ZNF808: variants seen among roughly 807,000 people sequenced by gnomAD.
ZNF808 encodes zinc finger protein 808.
In ZNF808, 5 loss-of-function variants were observed where a neutral mutation model predicts 8.7. The observed-to-expected ratio is 0.58, with a 90% confidence interval of 0.30 to 1.21. The LOEUF is 1.21. ZNF808 is among the 50% of genes most tolerant of loss of function. The probability of loss-of-function intolerance (pLI) is 0.07; values close to 1 mark genes in which losing one functional copy is unlikely to be tolerated. For missense variants in ZNF808, 1,103 were observed against 1,098.4 expected, an observed-to-expected ratio of 1.00 and a Z score of -0.06; for synonymous variants, 380 against 366.0, an observed-to-expected ratio of 1.04 and a Z score of -0.44.
intron 1 of ZNF808, among the ~76,000 whole-genome samples, chr19:52,530,241 G>T (rs2059549165): frequency 1.3e-5 from 2 of 152,034 alleles, no homozygotes; most frequent in African/African-American, 2.4e-5. Flanking sequence ...TGTGTTTTTA[G>T]TAGAGACGAG....
At chr19:52,567,498 ATTATTATTATTATTATTAT>A (rs2059875897), downstream of ZNF808, among the ~76,000 whole-genome samples, 1 of 113,318 alleles carries the variant, frequency 8.8e-6, no homozygotes, top group Admixed American at 8.6e-5. Flanking sequence ...TATTATTATT[ATTATTATTATTATTATTAT>A]TATTATTATT....
rs750872575 is a variant in ZNF808 at position 52,554,116 on chromosome 19, G to A, written c.1200G>A (p.Lys400=). ...TRIHSGEKTY[K]CNECGKAFNH... ...TTCATAGTGGAGAGAAAACATACAA[G>A]TGTAATGAGTGTGGTAAGGCTTTTA... The change falls in exon 5 of 5, where the codon AAG becomes AAA. Residue 400 remains lysine (K), a synonymous_variant. Coordinates refer to ENST00000359798, the MANE Select transcript of ZNF808 (RefSeq NM_001039886.4). 6.2e-7 allele frequency: 1 copy of A among 1,614,082 alleles called. No individual in the cohort carries two copies. Among genetic ancestry groups the A allele is most frequent in the Non-Finnish European group, 8.5e-7 (1 of 1,180,018 alleles).
intron 4 of ZNF808, among the ~76,000 whole-genome samples, chr19:52,548,937 G>T (rs1279733422): frequency 6.6e-6 from 1 of 151,940 alleles, no homozygotes; most frequent in Non-Finnish European, 1.5e-5. Context: ...GGCCAACTTG[G>T]TGAAACCACA....
In ZNF808 at chr19:52,554,584, A is replaced by G; in HGVS notation, c.1668A>G (p.Val556=). The change falls in exon 5 of 5, where the codon GTA becomes GTG. Residue 556 remains valine (V), a synonymous_variant. Transcript: ENST00000359798. ...KVFMRNSVLA[V]HTRIHTAKKP... is the part of the protein sequence containing the mutation. ...TCATGCGTAATTCAGTCCTGGCTGT[A>G]CATACTAGAATTCACACTGCAAAGA... 6.2e-7 allele frequency: 1 copy of G among 1,613,676 alleles called. No individual in the cohort carries two copies. The highest frequency in any genetic ancestry group is 8.5e-7 in the Non-Finnish European group (1 of 1,179,780).
At chr19:52,566,162 GTTTGT>G (rs745597382), downstream of ZNF808, among the ~76,000 whole-genome samples, 1 of 151,694 alleles carries the variant, frequency 6.6e-6, no homozygotes, top group Admixed American at 6.6e-5. Context: ...TATATATATA[GTTTGT>G]TTTGTTTTGT....
rs1334776561 is a variant in ZNF808, at chr19:52,553,473, A to G, written c.557A>G (p.Asp186Gly). The change falls in exon 5 of 5, where the codon GAT (aspartate) becomes GGT (glycine). Residue 186 changes from aspartate (D) to glycine (G), a missense_variant. Asp to Gly is a moderately conservative substitution (Grantham distance 94). Coordinates refer to ENST00000359798, the MANE Select transcript of ZNF808 (RefSeq NM_001039886.4). Reference sequence around the variant, plus strand: ...AATCAACTTGAGAAGTCTACCAGTGATGCTTCCTCAGTTTCAACATCCCAA... The same window carrying G: ...AATCAACTTGAGAAGTCTACCAGTGGTGCTTCCTCAGTTTCAACATCCCAA... ...IANQLEKSTS[D>G]ASSVSTSQRI... 6.2e-7 allele frequency: 1 copy of G among 1,614,206 alleles called. No individual in the cohort carries two copies. The highest frequency in any genetic ancestry group is 1.7e-5 in the Admixed American group (1 of 60,030).
At chr19:52,547,981 C>T (rs529098875) in intron 4 of ZNF808, among the ~76,000 whole-genome samples, 3 of 152,158 alleles carry the variant, frequency 2.0e-5, no homozygotes, top group South Asian at 2.1e-4. Flanking sequence ...TCAGGTTATC[C>T]GCCCACCTCA....
chr19:52,549,861 C>T (rs367715137), intron 4 of ZNF808, among the ~76,000 whole-genome samples: 323 of 152,270 alleles, frequency 2.1e-3, no homozygotes, highest in African/African-American at 7.3e-3. Flanking sequence ...AGACCTTGTT[C>T]ATCCACTGGA....
At chr19:52,528,438 A>G (rs1214209951) in intron 1 of ZNF808, among the ~76,000 whole-genome samples, 1 of 152,254 alleles carries the variant, frequency 6.6e-6, no homozygotes. Context: ...AGAAAGGCCC[A>G]TAACAGATGG....
At chr19:52,551,339 T>G (rs1446481633) in intron 4 of ZNF808, among the ~76,000 whole-genome samples, 2 of 150,254 alleles carry the variant, frequency 1.3e-5, no homozygotes, top group Non-Finnish European at 3.0e-5. Context: ...GTGACAGAGT[T>G]AGATTCCATT....
At chr19:52,535,130 G>T (rs1398883088) in intron 2 of ZNF808, among the ~76,000 whole-genome samples, 7 of 151,278 alleles carry the variant, frequency 4.6e-5, no homozygotes, top group Admixed American at 2.0e-4. Flanking sequence ...AGGAGATCAA[G>T]ACCATCCTGG....
rs777953102 is a variant in ZNF808, at chr19:52,553,351, G to C, written c.435G>C (p.Arg145Ser). 1.7e-5 allele frequency: 27 copies of C among 1,613,936 alleles called. No homozygotes were observed. Among genetic ancestry groups the C allele is most frequent in the Middle Eastern group, 1.6e-4 (1 of 6,084 alleles). Residue 145 changes from arginine (R) to serine (S), a missense_variant, in exon 5 of 5, where the codon AGG becomes AGC. Physicochemically the swap from Arg to Ser is moderately radical, Grantham distance 110. Coordinates refer to ENST00000359798, the MANE Select transcript of ZNF808 (RefSeq NM_001039886.4). The stretch of plus-strand genomic sequence containing the variant: ...GTAGCACAGACCAACATGATCACAG[G>C]CATGCTGGAAACAAGCCTATTAAAG... ...LTGSTDQHDH[R>S]HAGNKPIKDQ...
At chr19:52,561,090 T>C (rs2059854670), downstream of ZNF808, among the ~76,000 whole-genome samples, 1 of 151,774 alleles carries the variant, frequency 6.6e-6, no homozygotes, top group African/African-American at 2.4e-5. Context: ...AGAACCACTG[T>C]CAGCAGCGCA....
At chr19:52,528,330 G>T (rs1180189449) in intron 1 of ZNF808, among the ~76,000 whole-genome samples, 1 of 152,174 alleles carries the variant, frequency 6.6e-6, no homozygotes, top group Non-Finnish European at 1.5e-5. Context: ...GCGCTCCTCC[G>T]GGATGCAGGC....
Position 52,543,258 on chromosome 19 carries a change from A to T in ZNF808, c.-19-8A>T. 6.2e-7 allele frequency: 1 copy of T among 1,608,650 alleles called. No individual in the cohort carries two copies. Among genetic ancestry groups the T allele is most frequent in the Non-Finnish European group, 8.5e-7 (1 of 1,178,092 alleles). On this transcript the variant is annotated splice_polypyrimidine_tract_variant and splice_region_variant and intron_variant, in intron 2 of 4. Coordinates refer to ENST00000359798, the MANE Select transcript of ZNF808 (RefSeq NM_001039886.4). ...CTAACATGAAGTCTTATTTTTTTTC[A>T]CATACAGGATTGATTTCTAAAGACT...
exon 4 of ZNF808, chr19:52,564,346 TA>T (rs200505195): frequency 9.1e-6 from 5 of 546,840 alleles, no homozygotes; most frequent in African/African-American, 3.9e-5. Context: ...ATTGGGAATA[TA>T]TTTTTTTCTC....
chr19:52,559,006 C>T (rs10403474), downstream of ZNF808, among the ~76,000 whole-genome samples: 32,284 of 152,164 alleles, frequency 0.21, 3,698 homozygotes, highest in Admixed American at 0.24. Flanking sequence ...CCGCAGGAAC[C>T]TCTGCCTAGG....
chr19:52,568,398 T>G (rs141543423), downstream of ZNF808, among the ~76,000 whole-genome samples: 586 of 148,586 alleles, frequency 3.9e-3, 3 homozygotes, highest in African/African-American at 0.014. Context: ...CAAAACAAAA[T>G]GTGCTATACA....
chr19:52,535,033 C>G (rs1599954170), intron 2 of ZNF808, among the ~76,000 whole-genome samples: 2 of 149,242 alleles, frequency 1.3e-5, no homozygotes, highest in Middle Eastern at 7.0e-3. Context: ...TATTTAAAAA[C>G]GGGTTAAAAA....
Sources: gnomAD v4.1 joint callset for allele counts (sites outside exome capture counted in the v4.1 genomes callset) on GRCh38, gnomAD v4.1.1 for gene constraint, MANE v1.5 for transcripts, NCBI Gene and HGNC (gene_info 2026-07-23, HGNC 2026-07-21) for gene names.